LEMD1: variants seen among roughly 807,000 people sequenced by gnomAD.
LEMD1 encodes the protein LEM domain containing 1.
In LEMD1, 18 loss-of-function variants were observed where a neutral mutation model predicts 17.4. That is an observed-to-expected ratio of 1.04 (90% confidence interval 0.72 to 1.54). LEMD1 has a LOEUF of 1.54. Ranked by LOEUF, LEMD1 falls within the 40% of genes most tolerant of loss-of-function variation. The pLI, the probability that LEMD1 is intolerant of heterozygous loss-of-function variation, is 0.00. For missense variants in LEMD1, 195 were observed against 210.4 expected (o/e 0.93, Z 0.45); for synonymous variants, 88 against 77.8 (o/e 1.13, Z -0.69).
intron 4 of LEMD1, among the ~76,000 whole-genome samples, chr1:205,407,860 A>G (rs186929178): frequency 6.6e-6 from 1 of 152,274 alleles, no homozygotes; most frequent in African/African-American, 2.4e-5. Flanking sequence ...GAATTGTTGG[A>G]TACCTGGCTG....
intron 4 of LEMD1, among the ~76,000 whole-genome samples, chr1:205,410,283 GA>G (rs538560842): frequency 1.4e-3 from 218 of 152,204 alleles, no homozygotes; most frequent in Non-Finnish European, 2.6e-3. Flanking sequence ...GTTTCTTCAT[GA>G]TAGGATCTAT....
chr1:205,443,552 C>A (rs1234231181), intron 1 of LEMD1, among the ~76,000 whole-genome samples: 6 of 152,134 alleles, frequency 3.9e-5, no homozygotes, highest in Non-Finnish European at 7.4e-5. Flanking sequence ...GCCTGGCTCC[C>A]GAGAGGTGTT....
intron 4 of LEMD1, among the ~76,000 whole-genome samples, chr1:205,394,905 T>A (rs927563266): frequency 6.6e-6 from 1 of 151,662 alleles, no homozygotes; most frequent in Non-Finnish European, 1.5e-5. Context: ...GAGAATCGCT[T>A]GAACCAGGGA....
chr1:205,440,193 G>T (rs1267999619), intron 1 of LEMD1, among the ~76,000 whole-genome samples: 1 of 152,164 alleles, frequency 6.6e-6, no homozygotes, highest in Non-Finnish European at 1.5e-5. Flanking sequence ...AGGGCCTGGG[G>T]AACAGGCCTC....
At chr1:205,410,001 C>T (rs1665311827) in intron 4 of LEMD1, among the ~76,000 whole-genome samples, 1 of 152,100 alleles carries the variant, frequency 6.6e-6, no homozygotes. Context: ...GTCTTGAACT[C>T]CTGACCTCAG....
At chr1:205,408,919 A>G (rs1558725590) in intron 4 of LEMD1, among the ~76,000 whole-genome samples, 1 of 151,838 alleles carries the variant, frequency 6.6e-6, no homozygotes, top group Non-Finnish European at 1.5e-5. Context: ...AAGTGGCATG[A>G]TCTGAGATCC....
chr1:205,416,138 G>T, intron 4 of LEMD1, 94 bp downstream of exon 4: 2 of 731,362 alleles, frequency 2.7e-6, no homozygotes, highest in South Asian at 2.0e-5. Context: ...AGAATGTAGT[G>T]ACTTGCTATC....
intron 2 of LEMD1, among the ~76,000 whole-genome samples, chr1:205,420,039 T>C (rs891033357): frequency 6.6e-6 from 1 of 152,008 alleles, no homozygotes; most frequent in Middle Eastern, 3.4e-3. Flanking sequence ...ATCCATGCGC[T>C]GGGTGTGGTG....
At chr1:205,410,818 G>C (rs1665355545) in intron 4 of LEMD1, among the ~76,000 whole-genome samples, 1 of 151,738 alleles carries the variant, frequency 6.6e-6, no homozygotes, top group Non-Finnish European at 1.5e-5. Flanking sequence ...AGTGAATTAT[G>C]ATGATGCCAC....
intron 4 of LEMD1, among the ~76,000 whole-genome samples, chr1:205,412,003 C>T (rs956412224): frequency 6.6e-6 from 1 of 152,174 alleles, no homozygotes; most frequent in African/African-American, 2.4e-5. Context: ...CTTGGAACCG[C>T]TCCCAAACCC....
rs1172904965 is a variant in LEMD1 at position 205,420,589 on chromosome 1, AC to A, written c.-38-16del. 2 of 1,328,362 alleles carry A rather than the reference AC, an allele frequency of 1.5e-6. No homozygotes were observed. Among genetic ancestry groups the A allele is most frequent in the African/African-American group, 2.9e-5 (2 of 69,304 alleles). The allele number at this position is 1,328,362 out of a possible 1,614,324, so 82.3% of individuals were successfully genotyped here. A position where few individuals can be genotyped will look rare whatever the true frequency, so the allele number is the denominator to read the frequency against. ...ATGGTAGAATCCTTGAAATAACAAA[AC>A]ATTAAATTCATTAAGACAGCCTTAC... On this transcript the variant is annotated splice_polypyrimidine_tract_variant and intron_variant, in intron 1 of 5. Transcript: ENST00000367153.
chr1:205,439,295 T>C (rs1443221272), intron 1 of LEMD1, among the ~76,000 whole-genome samples: 2 of 152,128 alleles, frequency 1.3e-5, no homozygotes, highest in Non-Finnish European at 2.9e-5. Flanking sequence ...ATTCTTTGGA[T>C]ATAAAAGGAA....
At chr1:205,426,990 A>G (rs552115232), upstream of LEMD1, among the ~76,000 whole-genome samples, 7 of 152,210 alleles carry the variant, frequency 4.6e-5, no homozygotes, top group South Asian at 1.5e-3. Context: ...TACCAGAGTC[A>G]CCAACCAGGA....
At chr1:205,428,342 A>G (rs1382623067) in intron 1 of LEMD1, among the ~76,000 whole-genome samples, 1 of 152,056 alleles carries the variant, frequency 6.6e-6, no homozygotes, top group Non-Finnish European at 1.5e-5. Flanking sequence ...TACGGAGGGG[A>G]TGAGAGGAAG....
chr1:205,447,553 C>G (rs1429028213), intron 1 of LEMD1, among the ~76,000 whole-genome samples: 2 of 151,926 alleles, frequency 1.3e-5, no homozygotes, highest in African/African-American at 2.4e-5. Context: ...GATGGGAGGG[C>G]TAAAATCAGG....
chr1:205,447,682 G>A (rs1044488389), intron 1 of LEMD1, among the ~76,000 whole-genome samples: 4 of 151,972 alleles, frequency 2.6e-5, no homozygotes, highest in African/African-American at 4.8e-5. Flanking sequence ...TTCACACACC[G>A]CAGGAGGGGG....
At position 205,449,372 on chromosome 1, in the gene LEMD1, G is replaced by A. The variant is rs549278533; in HGVS notation, c.-39+496C>T. ...GCCCAGGCTCAGGAAAGCCCCAGGG[G>A]CCTCAGACCTCTCCCAGGGGCCCCC... On this transcript the variant is annotated intron_variant, in intron 1 of 3. Transcript: ENST00000367154. Among the ~76,000 whole-genome samples the A allele has an allele frequency of 1.2e-4, 19 of 152,200 alleles. 1 individual carries two copies. The South Asian group carries it at 3.9e-3, about 32-fold the overall frequency.
At chr1:205,427,398 C>G (rs1419459650) in intron 1 of LEMD1, among the ~76,000 whole-genome samples, 2 of 151,898 alleles carry the variant, frequency 1.3e-5, no homozygotes, top group Non-Finnish European at 2.9e-5. Flanking sequence ...TCATAGCTCA[C>G]CCCTTTACCT....
chr1:205,413,367 A>T lies in LEMD1; in HGVS notation c.270+2865T>A, dbSNP rs1207747921. On this transcript the variant is annotated intron_variant, in intron 4 of 5. Coordinates refer to ENST00000367153, the MANE Select transcript of LEMD1 (RefSeq NM_001199050.2). Reference sequence around the variant, plus strand: ...CAGTGGTGTCATCATGGCTTACTGCAGCCTCGACATCCCAAGCCTCAAGAG... The same window carrying T: ...CAGTGGTGTCATCATGGCTTACTGCTGCCTCGACATCCCAAGCCTCAAGAG... 3.3e-5 allele frequency among the ~76,000 whole-genome samples: 5 copies of T among 152,096 alleles called. No individual in the cohort carries two copies. In the East Asian group the frequency reaches 9.7e-4, roughly 29 times the overall value.
Sources: allele counts gnomAD v4.1 joint callset (sites outside exome capture counted in the v4.1 genomes callset), GRCh38; gene constraint gnomAD v4.1.1; transcripts MANE v1.5; gene names NCBI Gene and HGNC (gene_info 2026-07-23, HGNC 2026-07-21).